The following GRM8 variants were observed in gnomAD, a reference collection of about 807,000 sequenced individuals.
The protein encoded by GRM8 is metabotropic glutamate receptor 8.
Under a neutral mutation model 87.2 loss-of-function variants are expected in GRM8, and 47 were observed. The ratio of observed to expected loss-of-function variants is 0.54; its 90% CI spans 0.43 to 0.69. The LOEUF (loss-of-function observed/expected upper bound fraction) is 0.69, where lower values mean the gene tolerates loss of function less well. GRM8 is among the 30% of genes least tolerant of loss of function. The pLI is 0.00. For synonymous variants in GRM8, 396 were observed against 404.5 expected, an observed-to-expected ratio of 0.98 and a Z score of 0.25; for missense variants, 1,019 against 1,139.2, an observed-to-expected ratio of 0.89 and a Z score of 1.52.
rs565969823 is a variant in GRM8, at chr7:126,539,081, T to C, written c.1495-5194A>G. 3.3e-5 allele frequency among the ~76,000 whole-genome samples: 5 copies of C among 152,054 alleles called. No individual in the cohort carries two copies. In the East Asian group the frequency reaches 5.8e-4, roughly 18 times the overall value. On this transcript the variant is annotated intron_variant, in intron 8 of 10. Transcript: ENST00000339582. ...GCTTGAGATGATTCCCAAGCTGAAA[T>C]CCTGTTTTTTTGTGATGTTCCAGAT...
chr7:126,629,866 TCAATTAAAA>T (rs1257002664), intron 7 of GRM8, among the ~76,000 whole-genome samples: 1 of 152,150 alleles, frequency 6.6e-6, no homozygotes, highest in East Asian at 1.9e-4. Context: ...AAAATTGCTG[TCAATTAAAA>T]AGCAAAACAT....
At chr7:126,848,163 C>A (rs1308443719) in intron 6 of GRM8, among the ~76,000 whole-genome samples, 1 of 152,122 alleles carries the variant, frequency 6.6e-6, no homozygotes, top group South Asian at 2.1e-4. Context: ...GTAATAAAGA[C>A]GGGAAGAGGA....
At chr7:126,611,589 A>G (rs1798917962) in intron 7 of GRM8, among the ~76,000 whole-genome samples, 1 of 152,228 alleles carries the variant, frequency 6.6e-6, no homozygotes, top group South Asian at 2.1e-4. Context: ...TCACTTTGAA[A>G]TATTTTAATT....
intron 6 of GRM8, among the ~76,000 whole-genome samples, chr7:126,892,015 G>T (rs1586346015): frequency 1.0e-5 from 1 of 98,294 alleles, no homozygotes; most frequent in Non-Finnish European, 1.9e-5. Flanking sequence ...TCATGTTCTT[G>T]CAGGGTAAAA....
intron 3 of GRM8, among the ~76,000 whole-genome samples, chr7:127,037,428 C>T (rs1019191251): frequency 5.9e-5 from 9 of 152,132 alleles, no homozygotes; most frequent in African/African-American, 2.2e-4. Flanking sequence ...CCTGTCTGAG[C>T]CTCTCCCTCC....
intron 7 of GRM8, among the ~76,000 whole-genome samples, chr7:126,661,929 C>A (rs929096959): frequency 6.6e-6 from 1 of 152,066 alleles, no homozygotes; most frequent in African/African-American, 2.4e-5. Context: ...TGTCTTGTCT[C>A]ATATTTAATG....
chr7:126,865,550 A>T (rs1798518949), intron 6 of GRM8, among the ~76,000 whole-genome samples: 2 of 152,176 alleles, frequency 1.3e-5, no homozygotes, highest in Non-Finnish European at 2.9e-5. Context: ...AAGAAGCCCT[A>T]TTCCCCTTAC....
intron 3 of GRM8, among the ~76,000 whole-genome samples, chr7:127,024,924 TTTCC>T (rs1159492752): frequency 6.6e-6 from 1 of 152,098 alleles, no homozygotes; most frequent in African/African-American, 2.4e-5. Flanking sequence ...TTCCATTTTA[TTTCC>T]TTCACTTCCT....
At chr7:126,819,910 A>T (rs1032859456) in intron 6 of GRM8, among the ~76,000 whole-genome samples, 7 of 152,150 alleles carry the variant, frequency 4.6e-5, no homozygotes, top group Non-Finnish European at 7.4e-5. Context: ...GAGTTATAGC[A>T]ATATAACCTT....
intron 2 of GRM8, among the ~76,000 whole-genome samples, chr7:127,201,040 G>C (rs1451971389): frequency 1.3e-5 from 2 of 150,518 alleles, no homozygotes; most frequent in Non-Finnish European, 3.0e-5. Flanking sequence ...CATTTTTCTT[G>C]CTTATGTTGA....
intron 6 of GRM8, among the ~76,000 whole-genome samples, chr7:126,782,111 A>G (rs1045704458): frequency 1.2e-4 from 18 of 152,378 alleles, no homozygotes; most frequent in African/African-American, 4.1e-4. Flanking sequence ...GAAAACATGT[A>G]GAAATCAAGT....
intron 6 of GRM8, among the ~76,000 whole-genome samples, chr7:126,777,103 A>G (rs749419639): frequency 2.0e-5 from 3 of 152,110 alleles, no homozygotes; most frequent in Non-Finnish European, 2.9e-5. Context: ...CTGTGTCACC[A>G]TATTTCCATT....
intron 2 of GRM8, among the ~76,000 whole-genome samples, chr7:127,141,904 A>G (rs1466215822): frequency 6.6e-6 from 1 of 152,112 alleles, no homozygotes; most frequent in Non-Finnish European, 1.5e-5. Context: ...AATAGGACCC[A>G]CTGGAGTGCA....
intron 6 of GRM8, among the ~76,000 whole-genome samples, chr7:126,772,565 T>C: frequency 6.6e-6 from 1 of 152,036 alleles, no homozygotes; most frequent in East Asian, 1.9e-4. Context: ...TGGGCCAGCT[T>C]TAGGAAATTT....
chr7:126,623,036 A>C (rs1372193917), intron 7 of GRM8, among the ~76,000 whole-genome samples: 2 of 152,238 alleles, frequency 1.3e-5, no homozygotes, highest in African/African-American at 4.8e-5. Flanking sequence ...ATCTCCGCTT[A>C]GTAAGCAGCT....
At chr7:127,228,421 G>A (rs1393198846) in intron 2 of GRM8, 2 of 152,148 alleles carry the variant, frequency 1.3e-5, no homozygotes, top group Admixed American at 6.6e-5. Context: ...GGAAGAACGG[G>A]GTCTTCAAAC....
chr7:126,891,124 CA>C (rs1413913546), intron 6 of GRM8, among the ~76,000 whole-genome samples: 1 of 152,070 alleles, frequency 6.6e-6, no homozygotes, highest in Non-Finnish European at 1.5e-5. Flanking sequence ...CTCTTTCAAT[CA>C]ATGACCGAAT....
intron 3 of GRM8, among the ~76,000 whole-genome samples, chr7:126,953,970 T>C (rs928009006): frequency 6.6e-6 from 1 of 152,124 alleles, no homozygotes; most frequent in African/African-American, 2.4e-5. Context: ...CTAGAAGATA[T>C]TTAATATACA....
At chr7:126,711,121 G>T (rs563693297) in intron 7 of GRM8, among the ~76,000 whole-genome samples, 68 of 152,322 alleles carry the variant, frequency 4.5e-4, no homozygotes, top group African/African-American at 1.5e-3. Context: ...GTTGTGGTGA[G>T]CCCAGATTGT....
Sources: allele counts gnomAD v4.1 joint callset (sites outside exome capture counted in the v4.1 genomes callset), GRCh38; gene constraint gnomAD v4.1.1; transcripts MANE v1.5; gene names NCBI Gene and HGNC (gene_info 2026-07-23, HGNC 2026-07-21).